UNC13C: variants seen among roughly 807,000 people sequenced by gnomAD.
The protein encoded by UNC13C is unc-13 homolog C.
Under a neutral mutation model 245.4 loss-of-function variants are expected in UNC13C, and 174 were observed. That is an observed-to-expected ratio of 0.71 (90% CI 0.63 to 0.80). The LOEUF is 0.80. Ranked by LOEUF, UNC13C falls within the 30% of genes least tolerant of loss-of-function variation. The pLI is 0.00. For missense variants in UNC13C, 2,829 were observed against 2,602.9 expected, an observed-to-expected ratio of 1.09 and a Z score of -1.89; for synonymous variants, 992 against 895.1, an observed-to-expected ratio of 1.11 and a Z score of -1.93.
the UNC13C span, among the ~76,000 whole-genome samples, chr15:53,861,707 C>G: frequency 3.3e-5 from 5 of 152,152 alleles, no homozygotes; most frequent in African/African-American, 1.2e-4. Context: ...GGAAGCAGAT[C>G]CAGCACATTG....
At chr15:54,532,825 G>C (rs1364492169) in intron 25 of UNC13C, 92 bp from the exon 26 acceptor site, 2 of 891,124 alleles carry the variant, frequency 2.2e-6, no homozygotes, top group African/African-American at 3.4e-5. Flanking sequence ...ATTCACACCA[G>C]TTGAAACAGA....
chr15:54,053,398 ATG>A (rs1897357119), intron 2 of UNC13C, among the ~76,000 whole-genome samples: 1 of 152,164 alleles, frequency 6.6e-6, no homozygotes, highest in Non-Finnish European at 1.5e-5. Context: ...AAAAATACGA[ATG>A]TAAATTCCAC....
the UNC13C span, among the ~76,000 whole-genome samples, chr15:53,954,076 C>T: frequency 6.6e-6 from 1 of 152,194 alleles, no homozygotes; most frequent in Non-Finnish European, 1.5e-5. Context: ...TCATCATTTC[C>T]TATCCATCCT....
the UNC13C span, among the ~76,000 whole-genome samples, chr15:53,971,136 T>C: frequency 6.6e-6 from 1 of 152,190 alleles, no homozygotes; most frequent in African/African-American, 2.4e-5. Context: ...ATATTCTCAT[T>C]GGGCATTTGT....
In UNC13C at chr15:54,087,611, A is replaced by G. The variant is rs564052046; in HGVS notation, c.2984-55407A>G. 5.3e-5 allele frequency among the ~76,000 whole-genome samples: 8 copies of G among 152,278 alleles called. No homozygotes were observed. The South Asian group carries it at 1.7e-3, about 32-fold the overall frequency. ...CATATTACAGGCTTAAATTAGTGTG[A>G]TGTGGGTGACTACCACAGGTAGATC... is the stretch of plus-strand genomic sequence containing the variant. On this transcript the variant is annotated intron_variant, in intron 2 of 32. Transcript: ENST00000260323.
chr15:54,247,201 T>C (rs897900077), intron 7 of UNC13C, among the ~76,000 whole-genome samples: 2 of 152,222 alleles, frequency 1.3e-5, no homozygotes, highest in African/African-American at 4.8e-5. Flanking sequence ...AATGGTAAAC[T>C]ATAGACTTTC....
intron 10 of UNC13C, among the ~76,000 whole-genome samples, chr15:54,278,570 C>T (rs1003612711): frequency 6.6e-6 from 1 of 152,094 alleles, no homozygotes; most frequent in African/African-American, 2.4e-5. Flanking sequence ...TGTACAATGC[C>T]GTTCTTCTCT....
intron 4 of UNC13C, among the ~76,000 whole-genome samples, chr15:54,190,141 A>G (rs1019531912): frequency 6.6e-6 from 1 of 152,132 alleles, no homozygotes; most frequent in Admixed American, 6.6e-5. Flanking sequence ...CAACCCTACA[A>G]GTTGGTTAAT....
intron 2 of UNC13C, among the ~76,000 whole-genome samples, chr15:54,055,864 C>T (rs1020328188): frequency 1.3e-5 from 2 of 152,116 alleles, no homozygotes; most frequent in Admixed American, 1.3e-4. Context: ...TTATCATTGA[C>T]AGCTGGAAAT....
chr15:54,372,067 A>T (rs2039498283), intron 17 of UNC13C, among the ~76,000 whole-genome samples: 1 of 152,142 alleles, frequency 6.6e-6, no homozygotes, highest in Non-Finnish European at 1.5e-5. Flanking sequence ...TTGTATATTT[A>T]AAAATAGCTA....
At chr15:54,336,799 A>C (rs1298538712) in intron 16 of UNC13C, among the ~76,000 whole-genome samples, 2 of 152,064 alleles carry the variant, frequency 1.3e-5, no homozygotes, top group Admixed American at 6.6e-5. Flanking sequence ...GTATGGGTCT[A>C]TTTCTGAACT....
chr15:54,589,023 T>C (rs1471035582), intron 30 of UNC13C, among the ~76,000 whole-genome samples: 2 of 152,184 alleles, frequency 1.3e-5, no homozygotes, highest in Non-Finnish European at 2.9e-5. Context: ...CTGGATCAAA[T>C]GGTAATTCTA....
At chr15:54,475,582 T>C (rs1892694530) in intron 19 of UNC13C, among the ~76,000 whole-genome samples, 1 of 151,396 alleles carries the variant, frequency 6.6e-6, no homozygotes, top group Non-Finnish European at 1.5e-5. Context: ...CCTGCAAAAG[T>C]TTACTGAGAA....
intron 14 of UNC13C, among the ~76,000 whole-genome samples, chr15:54,324,404 TAAGAA>T (rs2038241101): frequency 1.3e-5 from 2 of 152,038 alleles, no homozygotes; most frequent in African/African-American, 4.8e-5. Flanking sequence ...AACAAATCTT[TAAGAA>T]AAGAAAACCA....
At chr15:54,161,024 A>G (rs2032952012) in intron 4 of UNC13C, among the ~76,000 whole-genome samples, 1 of 152,226 alleles carries the variant, frequency 6.6e-6, no homozygotes, top group Admixed American at 6.5e-5. Context: ...GGACAACCTC[A>G]TAATTAAACA....
rs533035684 is a variant in UNC13C, at chr15:54,260,098, C to T, written c.3449-4070C>T. Among the ~76,000 whole-genome samples the T allele has an allele frequency of 7.6e-4, 115 of 152,144 alleles. 1 individual carries two copies. The highest frequency in any genetic ancestry group is 2.5e-3 in the African/African-American group (103 of 41,510). On this transcript the variant is annotated intron_variant, in intron 8 of 32. Coordinates refer to ENST00000260323, the MANE Select transcript of UNC13C (RefSeq NM_001080534.3). ...TATTGAGTGTATGCTAGTTTCCAAA[C>T]AGTGTGTGAGACACTTGGAATACAC...
intron 13 of UNC13C, among the ~76,000 whole-genome samples, chr15:54,311,537 T>C (rs2037872746): frequency 6.6e-6 from 1 of 151,758 alleles, no homozygotes; most frequent in South Asian, 2.1e-4. Flanking sequence ...TTGGTTTTTC[T>C]TATTAGCCTT....
chr15:54,230,088 G>A (rs959502636), intron 4 of UNC13C, among the ~76,000 whole-genome samples: 1 of 54,132 alleles, frequency 1.8e-5, no homozygotes, highest in East Asian at 3.2e-4. Context: ...ATATAGGAGT[G>A]AACATATTTT....
intron 2 of UNC13C, among the ~76,000 whole-genome samples, chr15:54,060,584 G>C (rs1250592053): frequency 2.0e-5 from 3 of 152,144 alleles, no homozygotes; most frequent in South Asian, 2.1e-4. Context: ...TCTAGAACTA[G>C]AAATACCATT....
Sources: allele counts gnomAD v4.1 joint callset (sites outside exome capture counted in the v4.1 genomes callset), GRCh38; gene constraint gnomAD v4.1.1; transcripts MANE v1.5; gene names NCBI Gene and HGNC (gene_info 2026-07-23, HGNC 2026-07-21).